The following FRMPD2 variants were observed in gnomAD, a reference collection of about 807,000 sequenced individuals.
The protein encoded by FRMPD2 is FERM and PDZ domain containing 2.
FRMPD2 carries 96 observed loss-of-function variants against 140.1 expected under a neutral mutation model. The ratio of observed to expected loss-of-function variants is 0.69; its 90% CI spans 0.58 to 0.81. The LOEUF is 0.81. Ranked by LOEUF, FRMPD2 falls within the 40% of genes least tolerant of loss-of-function variation. FRMPD2 has a pLI of 0.00. For synonymous variants in FRMPD2, 449 were observed against 547.6 expected (o/e 0.82, Z 2.52); for missense variants, 1,240 against 1,447.4 (o/e 0.86, Z 2.32).
rs763666668 is a variant in FRMPD2, at chr10:48,223,128, C to T, written c.1311G>A (p.Leu437=). ...RIKFFVSHYG[L]LQHSLTRHQF... ...AACAGGTTTGCAGCACTCACTGGAG[C>T]AGCCCATAGTGGCTGACAAAGAACT... Residue 437 remains leucine (L), a synonymous_variant, in exon 11 of 29, where the codon CTG becomes CTA. Transcript: ENST00000374201. 2.4e-5 allele frequency: 38 copies of T among 1,612,638 alleles called. 1 individual carries two copies. The South Asian group carries it at 3.3e-4, about 14-fold the overall frequency.
intron 17 of FRMPD2, among the ~76,000 whole-genome samples, chr10:48,186,206 G>T (rs1838680773): frequency 6.6e-6 from 1 of 152,204 alleles, no homozygotes; most frequent in Non-Finnish European, 1.5e-5. Context: ...CTGGAGTGGG[G>T]CACTTCAGTG....
chr10:48,191,327 C>CAA (rs2131846872), intron 16 of FRMPD2, among the ~76,000 whole-genome samples: 1 of 152,266 alleles, frequency 6.6e-6, no homozygotes, highest in Non-Finnish European at 1.5e-5. Flanking sequence ...GGACCCCAGA[C>CAA]AATACCACAT....
chr10:48,231,993 G>A, intron 10 of FRMPD2, 122 bp downstream of exon 10: 2 of 795,014 alleles, frequency 2.5e-6, no homozygotes, highest in East Asian at 2.5e-5. Context: ...TAATGTCTAG[G>A]CATACAAAGG....
intron 6 of FRMPD2, 58 bp downstream of exon 6, chr10:48,240,302 G>C (rs771576399): frequency 8.2e-6 from 13 of 1,580,770 alleles, no homozygotes; most frequent in Non-Finnish European, 1.1e-5. Context: ...TACAGGGCAG[G>C]AAAAAATAGA....
chr10:48,190,385 T>A (rs1230418375), intron 16 of FRMPD2, among the ~76,000 whole-genome samples: 1 of 152,176 alleles, frequency 6.6e-6, no homozygotes, highest in African/African-American at 2.4e-5. Context: ...TAGGAGCCAT[T>A]ACATGGTGTT....
At chr10:48,246,541 T>G (rs1428314886) in intron 3 of FRMPD2, among the ~76,000 whole-genome samples, 1 of 152,350 alleles carries the variant, frequency 6.6e-6, no homozygotes, top group East Asian at 1.9e-4. Context: ...GATGGGGTAC[T>G]GGCAGCACAG....
At chr10:48,194,785 G>T (rs1588821368) in intron 15 of FRMPD2, among the ~76,000 whole-genome samples, 2 of 152,148 alleles carry the variant, frequency 1.3e-5, no homozygotes, top group Non-Finnish European at 2.9e-5. Context: ...TGGGCTGGTG[G>T]GGCTGCTGGT....
chr10:48,236,602 T>C, intron 8 of FRMPD2, 49 bp from the exon 9 acceptor site: 1 of 1,566,050 alleles, frequency 6.4e-7, no homozygotes, highest in Non-Finnish European at 8.8e-7. Flanking sequence ...GATTCCAGGC[T>C]TTGGGTCTGG....
At chr10:48,170,621 A>G (rs1271435767) in intron 26 of FRMPD2, among the ~76,000 whole-genome samples, 7 of 150,860 alleles carry the variant, frequency 4.6e-5, no homozygotes, top group African/African-American at 1.7e-4. Flanking sequence ...GTAATAATGT[A>G]TGAAAAGCTG....
chr10:48,257,499 C>G (rs1564442215), intron 1 of FRMPD2, among the ~76,000 whole-genome samples: 1 of 152,094 alleles, frequency 6.6e-6, no homozygotes, highest in East Asian at 1.9e-4. Flanking sequence ...AGGCTAGTCT[C>G]TAACTCCTCA....
At chr10:48,182,655 C>T (rs369134064) in intron 20 of FRMPD2, among the ~76,000 whole-genome samples, 2 of 152,098 alleles carry the variant, frequency 1.3e-5, no homozygotes, top group South Asian at 2.1e-4. Flanking sequence ...GGCTGGGGTG[C>T]CACAGTGAAA....
Position 48,223,165 on chromosome 10 carries a change from A to C in FRMPD2, c.1274T>G (p.Phe425Cys). 6.2e-7 allele frequency: 1 copy of C among 1,614,052 alleles called. No homozygotes were observed. Among genetic ancestry groups the C allele is most frequent in the Non-Finnish European group, 8.5e-7 (1 of 1,179,912 alleles). ...QKTSMNTFTLFLRIKFFVSHY... is the reference protein window; with the variant it reads ...QKTSMNTFTLCLRIKFFVSHY... ...GCTGACAAAGAACTTTATCCTCAGG[A>C]AGAGTGTGAAGGTATTCATGGAGGT... Residue 425 changes from phenylalanine (F) to cysteine (C), a missense_variant, in exon 11 of 29, where the codon TTC (phenylalanine) becomes TGC (cysteine). By Grantham distance (205) the Phe-to-Cys change is radical. Coordinates refer to ENST00000374201, the MANE Select transcript of FRMPD2 (RefSeq NM_001018071.4).
chr10:48,182,534 CA>C (rs1838577277), intron 20 of FRMPD2, among the ~76,000 whole-genome samples: 1 of 152,224 alleles, frequency 6.6e-6, no homozygotes, highest in East Asian at 1.9e-4. Flanking sequence ...TCATGGTAGT[CA>C]AGTCTCTGCC....
chr10:48,270,719 A>G lies in FRMPD2; in HGVS notation c.25+3824T>C, dbSNP rs77336990. On this transcript the variant is annotated intron_variant, in intron 1 of 28. Coordinates refer to ENST00000374201, the MANE Select transcript of FRMPD2 (RefSeq NM_001018071.4). ...CTTCCCCCCACCTCCTCCTCTTTCA[A>G]CCTCTCTTATTTGAATACAGCAAAT... 8.7e-4 allele frequency among the ~76,000 whole-genome samples: 131 copies of G among 151,190 alleles called. 2 individuals are homozygous for G. In the East Asian group the frequency reaches 0.021, roughly 24 times the overall value.
At chr10:48,240,035 C>A (rs1042121995) in intron 6 of FRMPD2, among the ~76,000 whole-genome samples, 2 of 152,080 alleles carry the variant, frequency 1.3e-5, no homozygotes, top group African/African-American at 4.8e-5. Flanking sequence ...TTTTAACACA[C>A]CCAGAACAAT....
chr10:48,204,201 T>C (rs1234163494), intron 14 of FRMPD2, among the ~76,000 whole-genome samples: 1 of 152,216 alleles, frequency 6.6e-6, no homozygotes, highest in Non-Finnish European at 1.5e-5. Flanking sequence ...TGAAAAACTA[T>C]AATTTAGTTC....
intron 21 of FRMPD2, among the ~76,000 whole-genome samples, chr10:48,180,134 C>T (rs1838506743): frequency 6.6e-6 from 1 of 152,116 alleles, no homozygotes. Context: ...TGTCCTCACT[C>T]ATCCCACAAC....
chr10:48,238,153 C>G (rs116040632), intron 7 of FRMPD2, 30 bp from the exon 8 acceptor site: 2 of 1,599,220 alleles, frequency 1.3e-6, no homozygotes, highest in African/African-American at 2.7e-5. Flanking sequence ...GGGTGAAGCA[C>G]TTAGCAATGG....
At position 48,217,047 on chromosome 10, in the gene FRMPD2, G is replaced by C. The variant is rs1228237378; in HGVS notation, c.1456-4938C>G. ...CACTGCCTCCCTGGGGCAGTGTCAG[G>C]GGCAGAAAGTGAAGTTCCAGTATCC... On this transcript the variant is annotated intron_variant, in intron 12 of 28. Transcript: ENST00000374201. Among the ~76,000 whole-genome samples, 10 of 152,198 alleles carry C rather than the reference G, an allele frequency of 6.6e-5. 1 individual carries two copies. In the South Asian group the frequency reaches 1.7e-3, roughly 25 times the overall value.
Sources: gnomAD v4.1 joint callset for allele counts (sites outside exome capture counted in the v4.1 genomes callset) on GRCh38, gnomAD v4.1.1 for gene constraint, MANE v1.5 for transcripts, NCBI Gene and HGNC (gene_info 2026-07-23, HGNC 2026-07-21) for gene names.